Variants in ACACA observed in about 807,000 individuals in gnomAD.
ACACA encodes the protein acetyl-CoA carboxylase alpha, also known as acetyl-CoA carboxylase 1.
ACACA carries 103 observed loss-of-function variants against 296.1 expected under a neutral mutation model. The ratio of observed to expected loss-of-function variants is 0.35; its 90% confidence interval spans 0.30 to 0.41. The LOEUF (loss-of-function observed/expected upper bound fraction) is 0.41, where lower values mean the gene tolerates loss of function less well. Among genes scored for constraint, ACACA ranks in the 10% least tolerant of loss-of-function variants. ACACA has a pLI of 1.00. For missense variants in ACACA, 1,554 were observed against 2,989.7 expected (o/e 0.52, Z 11.20); for synonymous variants, 953 against 1,038.6 (o/e 0.92, Z 1.58).
intron 1 of ACACA, among the ~76,000 whole-genome samples, chr17:37,390,303 A>ATT (rs1167945419): frequency 0.071 from 1,399 of 19,768 alleles, 161 homozygotes; most frequent in Middle Eastern, 0.21. Context: ...ATTATACATA[A>ATT]TTATATATAT....
chr17:37,393,382 T>C (rs762509985), intron 1 of ACACA, among the ~76,000 whole-genome samples: 5 of 152,034 alleles, frequency 3.3e-5, no homozygotes, highest in African/African-American at 7.2e-5. Flanking sequence ...GTGAGGATGA[T>C]TAAAAGCATT....
At chr17:37,364,329 C>T (rs1394967770) in intron 1 of ACACA, among the ~76,000 whole-genome samples, 4 of 151,938 alleles carry the variant, frequency 2.6e-5, no homozygotes, top group Admixed American at 6.6e-5. Flanking sequence ...CATGGTGGCT[C>T]ATGCCTGTAA....
chr17:37,331,462 G>A (rs1397781139), intron 2 of ACACA, among the ~76,000 whole-genome samples: 3 of 151,034 alleles, frequency 2.0e-5, no homozygotes, highest in African/African-American at 2.4e-5. Flanking sequence ...AGGCTGGAGT[G>A]CAATGGCACG....
chr17:37,190,156 C>T (rs1046524672), intron 38 of ACACA, among the ~76,000 whole-genome samples: 3 of 151,352 alleles, frequency 2.0e-5, no homozygotes, highest in South Asian at 2.1e-4. Flanking sequence ...GGGCCAGGCA[C>T]GGTGGCTCAC....
intron 1 of ACACA, among the ~76,000 whole-genome samples, chr17:37,404,777 C>T (rs1366732836): frequency 1.3e-5 from 2 of 151,886 alleles, no homozygotes; most frequent in Admixed American, 1.3e-4. Context: ...GAGGTTTCAC[C>T]ATGTTGACCA....
At chr17:37,319,762 C>T (rs2047259900) in intron 3 of ACACA, among the ~76,000 whole-genome samples, 1 of 151,958 alleles carries the variant, frequency 6.6e-6, no homozygotes, top group South Asian at 2.1e-4. Context: ...ACCAGCCTGG[C>T]CAAGATGGTG....
chr17:37,092,863 T>C (rs2072740302), intron 54 of ACACA, among the ~76,000 whole-genome samples: 1 of 152,234 alleles, frequency 6.6e-6, no homozygotes, highest in African/African-American at 2.4e-5. Context: ...GAAAGACATT[T>C]TCAATACACC....
intron 54 of ACACA, 127 bp downstream of exon 54, chr17:37,096,869 T>C: frequency 8.8e-7 from 1 of 1,136,500 alleles, no homozygotes. Context: ...GGAAACAGCT[T>C]GGATCTCTAT....
chr17:37,400,215 G>A lies in ACACA; in HGVS notation c.38+6047C>T, dbSNP rs147127982. ...GCTCACTGCAACCTCTGCCTCCCGG[G>A]TTCAAGTGATTCTCATGCCTCAGCC... On this transcript the variant is annotated intron_variant, in intron 1 of 55. Coordinates refer to ENST00000616317, the MANE Select transcript of ACACA (RefSeq NM_198834.3). 5.7e-3 allele frequency among the ~76,000 whole-genome samples: 865 copies of A among 152,250 alleles called. 8 individuals are homozygous for A. The highest frequency in any genetic ancestry group is 9.1e-3 in the Non-Finnish European group (621 of 68,014).
At chr17:37,376,794 A>G (rs1410240614) in intron 1 of ACACA, among the ~76,000 whole-genome samples, 1 of 152,032 alleles carries the variant, frequency 6.6e-6, no homozygotes. Flanking sequence ...ATCTCTACTA[A>G]AAGTGCAAAA....
At position 37,123,518 on chromosome 17, in the gene ACACA, T is replaced by C. The variant is rs2074624738; in HGVS notation, c.6042-891A>G. Among the ~76,000 whole-genome samples, 3 of 152,176 alleles carry C rather than the reference T, an allele frequency of 2.0e-5. No homozygotes were observed. In the South Asian group the frequency reaches 6.2e-4, roughly 31 times the overall value. On this transcript the variant is annotated intron_variant, in intron 48 of 55. Transcript: ENST00000616317. ...GTCTTCATTCTCACTGTTGCATTCC[T>C]TGGGGTTGGGGCTGGGATGGGTTAT...
intron 3 of ACACA, among the ~76,000 whole-genome samples, chr17:37,317,951 T>C (rs1256703083): frequency 6.6e-6 from 1 of 152,134 alleles, no homozygotes. Context: ...AATGACCTTC[T>C]CTGTCTACTC....
intron 39 of ACACA, among the ~76,000 whole-genome samples, chr17:37,187,450 C>T (rs1418477480): frequency 6.6e-6 from 1 of 152,202 alleles, no homozygotes; most frequent in Non-Finnish European, 1.5e-5. Flanking sequence ...AAATGCAATT[C>T]TTGAATTCAG....
At chr17:37,394,217 T>G (rs2050995940) in intron 1 of ACACA, among the ~76,000 whole-genome samples, 1 of 147,834 alleles carries the variant, frequency 6.8e-6, no homozygotes, top group African/African-American at 2.4e-5. Flanking sequence ...TTCTTTTTCT[T>G]TTTTTTTTTT....
chr17:37,211,369 C>T (rs2078741458), intron 29 of ACACA, among the ~76,000 whole-genome samples: 1 of 152,172 alleles, frequency 6.6e-6, no homozygotes, highest in Admixed American at 6.5e-5. Flanking sequence ...AACTACAAGG[C>T]ACATCTCCCA....
intron 41 of ACACA, among the ~76,000 whole-genome samples, chr17:37,164,074 A>T (rs1404294491): frequency 2.2e-5 from 2 of 91,348 alleles, no homozygotes; most frequent in Non-Finnish European, 4.2e-5. Flanking sequence ...TCTGTCTCTC[A>T]CCCCCCTCCT....
chr17:37,123,752 C>A (rs927025509), intron 48 of ACACA, among the ~76,000 whole-genome samples: 15 of 152,156 alleles, frequency 9.9e-5, no homozygotes, highest in Non-Finnish European at 1.5e-4. Context: ...AGGAGATACA[C>A]AGGAGGGTTT....
At position 37,085,873 on chromosome 17, in the gene ACACA, C is replaced by T. The variant is rs1307245872; in HGVS notation, c.*1443G>A. ...GCTTCTCAAATGTCTTAGTGATTTC[C>T]TCCTTGGTCATCAGTGACAAATGCA... is the stretch of plus-strand genomic sequence containing the variant. On this transcript the variant is annotated 3_prime_UTR_variant, in exon 56 of 56. Transcript: ENST00000616317. The T allele has an allele frequency of 2.5e-6, 1 of 398,996 alleles. No individual in the cohort carries two copies. The highest frequency in any genetic ancestry group is 4.4e-6 in the Non-Finnish European group (1 of 226,106). The allele number at this position is 398,996 out of a possible 1,614,324, so 24.7% of individuals were successfully genotyped here.
chr17:37,366,230 C>G (rs1443880213), intron 1 of ACACA, among the ~76,000 whole-genome samples: 1 of 152,146 alleles, frequency 6.6e-6, no homozygotes, highest in African/African-American at 2.4e-5. Flanking sequence ...ATTCCTATAT[C>G]AGGTTCAGGT....
Sources: gnomAD v4.1 joint callset for allele counts (sites outside exome capture counted in the v4.1 genomes callset) on GRCh38, gnomAD v4.1.1 for gene constraint, MANE v1.5 for transcripts, NCBI Gene and HGNC (gene_info 2026-07-23, HGNC 2026-07-21) for gene names.